Variants in NCOA6 observed in about 807,000 individuals in gnomAD.
NCOA6 encodes nuclear receptor coactivator 6.
In NCOA6, 49 loss-of-function variants were observed where a neutral mutation model predicts 171.4. The ratio of observed to expected loss-of-function variants is 0.29; its 90% CI spans 0.23 to 0.36. The LOEUF (loss-of-function observed/expected upper bound fraction) is 0.36. Among genes scored for constraint, NCOA6 ranks in the 10% least tolerant of loss-of-function variants. The pLI is 1.00. For synonymous variants in NCOA6, 910 were observed against 927.5 expected, an observed-to-expected ratio of 0.98 and a Z score of 0.34; for missense variants, 2,248 against 2,554.5, an observed-to-expected ratio of 0.88 and a Z score of 2.59.
intron 2 of NCOA6, among the ~76,000 whole-genome samples, chr20:34,784,451 C>T (rs2077605450): frequency 1.3e-5 from 2 of 152,052 alleles, no homozygotes; most frequent in South Asian, 2.1e-4. Flanking sequence ...GTCTCAAACT[C>T]TTAGGCTCAG....
At chr20:34,799,943 C>G (rs1468234152) in intron 1 of NCOA6, among the ~76,000 whole-genome samples, 1 of 152,076 alleles carries the variant, frequency 6.6e-6, no homozygotes, top group Non-Finnish European at 1.5e-5. Context: ...CAGACAAACA[C>G]AGAATATTAT....
In NCOA6 at chr20:34,757,274, T is replaced by A; in HGVS notation, c.1474A>T (p.Met492Leu). Reference protein sequence around the residue: ...QGNVPPNFMVMQQQPPNQGPQ... With the variant: ...QGNVPPNFMVLQQQPPNQGPQ... The stretch of plus-strand genomic sequence containing the variant: ...CCCTGGTTTGGTGGTTGCTGCTGCA[T>A]CACCATGAAGTTAGGTGGCACATTT... The change falls in exon 7 of 15, where the codon ATG (methionine) becomes TTG (leucine). Residue 492 changes from methionine to leucine, a missense_variant. This residue lies in a region of NCOA6 where 987 missense variants were observed against 1,104.7 expected (regional missense o/e 0.89). Transcript: ENST00000359003. 6.2e-7 allele frequency: 1 copy of A among 1,612,004 alleles called. No individual in the cohort carries two copies. The highest frequency in any genetic ancestry group is 1.1e-5 in the South Asian group (1 of 90,780).
At chr20:34,743,470 C>T in intron 10 of NCOA6, 129 bp from the exon 11 acceptor site, 2 of 938,604 alleles carry the variant, frequency 2.1e-6, no homozygotes, top group Non-Finnish European at 3.1e-6. Flanking sequence ...GGCATGCCCA[C>T]TCCTGGGGCA....
At chr20:34,824,953 C>T (rs2079107120) in intron 1 of NCOA6, among the ~76,000 whole-genome samples, 1 of 152,150 alleles carries the variant, frequency 6.6e-6, no homozygotes, top group African/African-American at 2.4e-5. Flanking sequence ...CCCATGCCTC[C>T]ACCCCAATCC....
chr20:34,739,549 G>A (rs2076065269), intron 11 of NCOA6, among the ~76,000 whole-genome samples: 1 of 152,198 alleles, frequency 6.6e-6, no homozygotes, highest in Admixed American at 6.5e-5. Context: ...CAGTGAGAAT[G>A]GGGCTATGAG....
chr20:34,741,718 A>G lies in NCOA6; in HGVS notation c.4538T>C (p.Leu1513Pro). The G allele has an allele frequency of 6.2e-7, 1 of 1,614,216 alleles. No homozygotes were observed. The change falls in exon 11 of 15, where the codon CTG (leucine) becomes CCG (proline). Residue 1513 changes from leucine to proline, a missense_variant. Transcript: ENST00000359003. Reference sequence around the variant, plus strand: ...AGAAACTACTGGAGGTGTTACTTCCAGATCTGTAAGCCCAGGGGGTTTAAT... The same window carrying G: ...AGAAACTACTGGAGGTGTTACTTCCGGATCTGTAAGCCCAGGGGGTTTAAT... The part of the protein sequence containing the change: ...VTIKPPGLTD[L>P]EVTPPVVSGE...
chr20:34,794,177 T>C (rs1364330287), intron 1 of NCOA6, among the ~76,000 whole-genome samples: 2 of 152,160 alleles, frequency 1.3e-5, no homozygotes, highest in Non-Finnish European at 2.9e-5. Flanking sequence ...TCCTGGGTAC[T>C]TGAGAGGCTA....
intron 10 of NCOA6, among the ~76,000 whole-genome samples, chr20:34,744,223 T>C (rs781151977): frequency 6.6e-5 from 10 of 152,180 alleles, no homozygotes; most frequent in Non-Finnish European, 1.5e-4. Context: ...AAAAATAATT[T>C]TGGGAAAAGA....
In NCOA6 at chr20:34,736,770, A is replaced by G. The variant is rs1292703860; in HGVS notation, c.5894-12T>C. ...ATTCTGCGACGGGGCTAAGGCAAGG[A>G]AAAAAAAATTACAGACCTTTTACTT... On this transcript the variant is annotated splice_polypyrimidine_tract_variant and intron_variant, in intron 11 of 14. Coordinates refer to ENST00000359003, the MANE Select transcript of NCOA6 (RefSeq NM_014071.5). 8 of 1,565,526 alleles carry G rather than the reference A, an allele frequency of 5.1e-6. No homozygotes were observed. The highest frequency in any genetic ancestry group is 2.3e-5 in the East Asian group (1 of 43,338).
chr20:34,766,961 T>C (rs1450331671), intron 5 of NCOA6, among the ~76,000 whole-genome samples: 4 of 152,198 alleles, frequency 2.6e-5, no homozygotes, highest in Non-Finnish European at 5.9e-5. Context: ...CTCAGACTTC[T>C]GTGGGGAACT....
Position 34,715,074 on chromosome 20 carries a change from T to C in NCOA6, c.*248A>G, listed in dbSNP as rs941901497. On this transcript the variant is annotated 3_prime_UTR_variant, in exon 15 of 15. Coordinates refer to ENST00000359003, the MANE Select transcript of NCOA6 (RefSeq NM_014071.5). ...ATGTGAAAACTAGTAACATTTATAA[T>C]GGCATTAGCTCCTTTCAATACAAGA... is the stretch of plus-strand genomic sequence containing the variant. The C allele has an allele frequency of 2.0e-5, 9 of 450,822 alleles. No homozygotes were observed. The highest frequency in any genetic ancestry group is 1.8e-4 in the South Asian group (8 of 43,982). The allele number at this position is 450,822 out of a possible 1,614,324, so 27.9% of individuals were successfully genotyped here.
chr20:34,741,924 G>A lies in NCOA6; in HGVS notation c.4332C>T (p.Val1444=), dbSNP rs769433862. The A allele has an allele frequency of 6.2e-6, 10 of 1,614,184 alleles. No homozygotes were observed. The highest frequency in any genetic ancestry group is 8.5e-6 in the Non-Finnish European group (10 of 1,180,034). The part of the protein sequence containing the change: ...KEQVNIELKA[V]PAQEVKMVVP... ...CAACCATTTTAACTTCTTGGGCAGG[G>A]ACTGCTTTTAGTTCAATGTTTACCT... The change falls in exon 11 of 15, where the codon GTC becomes GTT. Residue 1444 remains valine, a synonymous_variant. Coordinates refer to ENST00000359003, the MANE Select transcript of NCOA6 (RefSeq NM_014071.5).
chr20:34,776,307 G>T lies in NCOA6; in HGVS notation c.377C>A (p.Ser126Tyr). 1 of 1,613,920 alleles carries T rather than the reference G, an allele frequency of 6.2e-7. No individual in the cohort carries two copies. Among genetic ancestry groups the T allele is most frequent in the Non-Finnish European group, 8.5e-7 (1 of 1,180,024 alleles). The change falls in exon 4 of 15, where the codon TCC (serine) becomes TAC (tyrosine). Residue 126 changes from serine to tyrosine, a missense_variant. Transcript: ENST00000359003. ...AAGTAAAAGACCTTCAATCTGAACG[G>T]AGAGAATCCCTAAATCCCGAAGCTG... ...NQQLRDLGIL[S>Y]VQIEGEGAIN...
intron 10 of NCOA6, among the ~76,000 whole-genome samples, chr20:34,745,604 T>C (rs1362772410): frequency 2.0e-5 from 3 of 152,192 alleles, no homozygotes; most frequent in Admixed American, 2.0e-4. Flanking sequence ...AAATTAGGGG[T>C]AGATTAAAGG....
chr20:34,751,884 G>T (rs1192548201), intron 8 of NCOA6, among the ~76,000 whole-genome samples: 1 of 151,910 alleles, frequency 6.6e-6, no homozygotes, highest in South Asian at 2.1e-4. Flanking sequence ...CACTTTTTTT[G>T]TTGTTTTGTT....
At chr20:34,751,806 A>G (rs1246351742) in intron 8 of NCOA6, among the ~76,000 whole-genome samples, 1 of 152,176 alleles carries the variant, frequency 6.6e-6, no homozygotes, top group Admixed American at 6.5e-5. Context: ...GGATTTTCCT[A>G]TAGCTACTTG....
chr20:34,744,782 G>A lies in NCOA6; in HGVS notation c.2915-1441C>T, dbSNP rs567914055. 1.1e-4 allele frequency among the ~76,000 whole-genome samples: 16 copies of A among 152,240 alleles called. No homozygotes were observed. The East Asian group carries it at 3.1e-3, about 29-fold the overall frequency. ...TCGACTACATAGTCAAATACAGTGG[G>A]TTCCTATTTTTCACATTCAGTCTGG... On this transcript the variant is annotated intron_variant, in intron 10 of 14. Transcript: ENST00000359003.
At chr20:34,791,954 C>T (rs777581522) in intron 2 of NCOA6, among the ~76,000 whole-genome samples, 4 of 152,130 alleles carry the variant, frequency 2.6e-5, no homozygotes, top group Non-Finnish European at 5.9e-5. Flanking sequence ...GGGGGACTGC[C>T]AGGATCTGTT....
At chr20:34,793,581 C>T (rs1238081384) in intron 1 of NCOA6, among the ~76,000 whole-genome samples, 3 of 151,760 alleles carry the variant, frequency 2.0e-5, no homozygotes, top group African/African-American at 4.8e-5. Context: ...TATGATCATG[C>T]CACTGCAATC....
Sources: gnomAD v4.1 joint callset for allele counts (sites outside exome capture counted in the v4.1 genomes callset) on GRCh38, gnomAD v4.1.1 for gene constraint, gnomAD v4.1.1 regional missense constraint, MANE v1.5 for transcripts, NCBI Gene and HGNC (gene_info 2026-07-23, HGNC 2026-07-21) for gene names.